Variants in CLCN1 observed in about 807,000 individuals in gnomAD.
The protein encoded by CLCN1 is chloride channel protein 1.
In CLCN1, 100 loss-of-function variants were observed where a neutral mutation model predicts 114.5. That is an observed-to-expected ratio of 0.87 (90% CI 0.74 to 1.03). The LOEUF (loss-of-function observed/expected upper bound fraction) is 1.03. CLCN1 is among the 50% of genes least tolerant of loss of function. The pLI is 0.00. For missense variants in CLCN1, 1,188 were observed against 1,250.0 expected (o/e 0.95, Z 0.75); for synonymous variants, 485 against 487.1 (o/e 1.00, Z 0.06).
chr7:143,349,979 A>G (rs1195244167), intron 20 of CLCN1, among the ~76,000 whole-genome samples: 1 of 152,232 alleles, frequency 6.6e-6, no homozygotes, highest in Non-Finnish European at 1.5e-5. Flanking sequence ...TAGCAAAGAC[A>G]AAGGGGAAGG....
rs73456424 is a variant in CLCN1 at position 143,331,097 on chromosome 7, A to G, written c.980-135A>G. ...TATCCATGGAGGAGTGTGCGTAGAA[A>G]AAAGGAAAATACATTCAAGAGGAGA... On this transcript the variant is annotated intron_variant, in intron 8 of 22. Transcript: ENST00000343257. 6.2e-4 allele frequency: 661 copies of G among 1,062,432 alleles called. 5 individuals carry two copies. In the African/African-American group the frequency reaches 8.9e-3, roughly 14 times the overall value. 65.8% of individuals were successfully genotyped at this position (1,062,432 alleles called of 1,614,324 possible). A position where few individuals can be genotyped will look rare whatever the true frequency, so the allele number is the denominator to read the frequency against.
At chr7:143,332,550 A>G in intron 11 of CLCN1, 47 bp downstream of exon 11, 1 of 1,544,172 alleles carries the variant, frequency 6.5e-7, no homozygotes, top group Non-Finnish European at 9.0e-7. Flanking sequence ...CAGCACAGAT[A>G]TACCTCAGGC....
At chr7:143,323,492 C>A in intron 6 of CLCN1, 106 bp downstream of exon 6, 1 of 834,332 alleles carries the variant, frequency 1.2e-6, no homozygotes, top group Non-Finnish European at 2.1e-6. Flanking sequence ...GGCTGTGGTG[C>A]TGAAGCAGCA....
intron 16 of CLCN1, among the ~76,000 whole-genome samples, chr7:143,342,937 A>G (rs1803128618): frequency 6.6e-6 from 1 of 152,158 alleles, no homozygotes; most frequent in South Asian, 2.1e-4. Flanking sequence ...CTGTTAAAAA[A>G]AAAAAAATTT....
At chr7:143,327,206 T>G (rs10238686) in intron 7 of CLCN1, among the ~76,000 whole-genome samples, 1 of 151,190 alleles carries the variant, frequency 6.6e-6, no homozygotes, top group Non-Finnish European at 1.5e-5. Flanking sequence ...AGATCGCGCG[T>G]CACTGCACTC....
intron 7 of CLCN1, among the ~76,000 whole-genome samples, chr7:143,325,360 G>A (rs1802549016): frequency 1.3e-5 from 2 of 152,208 alleles, no homozygotes; most frequent in African/African-American, 4.8e-5. Context: ...AATCTTCCAG[G>A]GAACTAAAAT....
intron 3 of CLCN1, 111 bp downstream of exon 3, chr7:143,320,906 A>C (rs1802412882): frequency 1.5e-6 from 2 of 1,319,582 alleles, no homozygotes; most frequent in Non-Finnish European, 2.2e-6. Context: ...TGGGAAGCGA[A>C]TATTGCGCAG....
rs764347321 is a variant in CLCN1, at chr7:143,351,645, C to A, written c.2647C>A (p.Pro883Thr). 8.1e-6 allele frequency: 13 copies of A among 1,614,218 alleles called. 1 individual carries two copies. In the South Asian group the frequency reaches 1.3e-4, roughly 16 times the overall value. The change falls in exon 23 of 23, where the codon CCC becomes ACC. Residue 883 changes from proline (P) to threonine (T), a missense_variant. By Grantham distance (38) the Pro-to-Thr change is conservative (BLOSUM62 -1). Transcript: ENST00000343257. The part of the protein sequence containing the change: ...HTKSGVQLRP[P>T]LASFRNTTST... ...CAAGTCTGGGGTGCAGCTCCGCCCT[C>A]CCCTTGCCAGCTTCCGGAACACGAC...
intron 7 of CLCN1, among the ~76,000 whole-genome samples, chr7:143,329,834 C>T (rs1283921541): frequency 6.6e-6 from 1 of 152,066 alleles, no homozygotes. Context: ...TCAATTTTTA[C>T]TTTGCATCAG....
intron 7 of CLCN1, among the ~76,000 whole-genome samples, chr7:143,329,523 T>A (rs1012494778): frequency 6.6e-6 from 1 of 152,128 alleles, no homozygotes; most frequent in Non-Finnish European, 1.5e-5. Context: ...GCAAATGACC[T>A]GATGTAACTA....
chr7:143,321,474 C>T lies in CLCN1; in HGVS notation c.543C>T (p.Leu181=). The change falls in exon 4 of 23, where the codon CTC becomes CTT. Residue 181 remains leucine, a synonymous_variant. Transcript: ENST00000343257. This position sits in a 1 kb window ranked among gnomAD's most constrained non-coding sequence, Gnocchi z 4.2. ...LILFSALFCH[L]ISPQAVGSGI... is the part of the protein sequence containing the mutation. ...TCTTCAGCGCCCTCTTCTGCCACCT[C>T]ATCTCTCCCCAGGCTGTTGGTGAGA... is the stretch of plus-strand genomic sequence containing the variant. 1 of 1,614,158 alleles carries T rather than the reference C, an allele frequency of 6.2e-7. No individual in the cohort carries two copies. Among genetic ancestry groups the T allele is most frequent in the Non-Finnish European group, 8.5e-7 (1 of 1,180,032 alleles).
intron 14 of CLCN1, among the ~76,000 whole-genome samples, chr7:143,340,247 C>G (rs965002167): frequency 2.0e-5 from 3 of 152,208 alleles, no homozygotes; most frequent in Non-Finnish European, 2.9e-5. Flanking sequence ...GACCAGCTTT[C>G]TAGCTCACTT....
At chr7:143,347,950 T>G (rs1045444294) in intron 20 of CLCN1, among the ~76,000 whole-genome samples, 1 of 152,040 alleles carries the variant, frequency 6.6e-6, no homozygotes, top group South Asian at 2.1e-4. Context: ...TGGAGGAACA[T>G]CAACAGAAAA....
intron 14 of CLCN1, among the ~76,000 whole-genome samples, chr7:143,341,507 C>T (rs1343023818): frequency 6.6e-6 from 1 of 151,466 alleles, no homozygotes; most frequent in Non-Finnish European, 1.5e-5. Context: ...TCCCATGAAC[C>T]GAGATTGTAC....
At chr7:143,349,670 G>T (rs977764747) in intron 20 of CLCN1, among the ~76,000 whole-genome samples, 4 of 152,178 alleles carry the variant, frequency 2.6e-5, no homozygotes, top group Non-Finnish European at 5.9e-5. Context: ...AGTGCCATGA[G>T]GTCCAGTATA....
chr7:143,331,316 G>A lies in CLCN1; in HGVS notation c.1064G>A (p.Gly355Glu), dbSNP rs1282349760. The change falls in exon 9 of 23, where the codon GGG (glycine) becomes GAG (glutamate). Residue 355 changes from glycine (G) to glutamate (E), a missense_variant and splice_region_variant. Coordinates refer to ENST00000343257, the MANE Select transcript of CLCN1 (RefSeq NM_000083.3). ...GAACTACCAGCTTTTGCTGCCATCG[G>A]GTCAGTGGGGTTACCTGCTCTGTGT... The part of the protein sequence containing the change: ...LKELPAFAAI[G>E]ICCGLLGAVF... 3.7e-6 allele frequency: 6 copies of A among 1,601,362 alleles called. No homozygotes were observed. Among genetic ancestry groups the A allele is most frequent in the Non-Finnish European group, 5.1e-6 (6 of 1,168,526 alleles).
At position 143,321,645 on chromosome 7, in the gene CLCN1, C is replaced by T. The variant is rs890989917; in HGVS notation, c.563-70C>T. On this transcript the variant is annotated intron_variant, in intron 4 of 22. Transcript: ENST00000343257. This position sits in a 1 kb window ranked among gnomAD's most constrained non-coding sequence, Gnocchi z 4.2. ...TTCAGCCCTCTCCAATTCCCATTCC[C>T]ATATTCTGGACATTCATCTCCCTTT... 1.2e-5 allele frequency: 19 copies of T among 1,610,134 alleles called. No homozygotes were observed. In the East Asian group the frequency reaches 4.2e-4, roughly 36 times the overall value.
chr7:143,343,268 C>A (rs7800251), intron 16 of CLCN1, among the ~76,000 whole-genome samples: 67,478 of 152,200 alleles, frequency 0.44, 15,235 homozygotes, highest in East Asian at 0.62. Flanking sequence ...GCACTAGGAA[C>A]AGTAAACAGC....
rs1803031954 is a variant in CLCN1, at chr7:143,339,844, G to C, written c.1582+223G>C. Among the ~76,000 whole-genome samples the C allele has an allele frequency of 6.6e-6, 1 of 152,082 alleles. No homozygotes were observed. Among genetic ancestry groups the C allele is most frequent in the Non-Finnish European group, 1.5e-5 (1 of 68,014 alleles). On this transcript the variant is annotated intron_variant, in intron 14 of 22. Transcript: ENST00000343257. The surrounding 1 kb of genome is among the most constrained non-coding windows in gnomAD (Gnocchi z 4.1). ...TTCCTCATGTAGAAAAGGATCATAG[G>C]GATCAAATGAGATCATAAGATTCTA...
Sources: allele counts gnomAD v4.1 joint callset (sites outside exome capture counted in the v4.1 genomes callset), GRCh38; gene constraint gnomAD v4.1.1; non-coding constraint Gnocchi (gnomAD v3.1); transcripts MANE v1.5; gene names NCBI Gene and HGNC (gene_info 2026-07-23, HGNC 2026-07-21).